USP6NL: variants seen among roughly 807,000 people sequenced by gnomAD.
USP6NL encodes USP6 N-terminal-like protein.
Under a neutral mutation model 61.9 loss-of-function variants are expected in USP6NL, and 26 were observed. The observed-to-expected ratio is 0.42, with a 90% CI of 0.31 to 0.58. The LOEUF (loss-of-function observed/expected upper bound fraction) is 0.58. USP6NL is among the 20% of genes least tolerant of loss of function. The pLI is 0.16. For synonymous variants in USP6NL, 432 were observed against 390.1 expected (o/e 1.11, Z -1.27); for missense variants, 1,114 against 1,034.3 (o/e 1.08, Z -1.06).
chr10:11,582,785 CACAT>C (rs1250336185), intron 2 of USP6NL, among the ~76,000 whole-genome samples: 1 of 151,984 alleles, frequency 6.6e-6, no homozygotes, highest in Middle Eastern at 3.2e-3. Context: ...CTATCATAAA[CACAT>C]ACAAAGCTTC....
intron 5 of USP6NL, among the ~76,000 whole-genome samples, chr10:11,512,381 G>A (rs1052514833): frequency 6.6e-6 from 1 of 151,950 alleles, no homozygotes; most frequent in African/African-American, 2.4e-5. Context: ...CTTCCATCCT[G>A]TCCTCTTCCC....
At chr10:11,486,197 G>T (rs758926020) in intron 10 of USP6NL, among the ~76,000 whole-genome samples, 1 of 147,244 alleles carries the variant, frequency 6.8e-6, no homozygotes, top group Non-Finnish European at 1.5e-5. Flanking sequence ...CATTTATCAA[G>T]ATTATCTGTT....
rs1836976206 is a variant in USP6NL, at chr10:11,562,383, CT to C, written c.5-34817del. 1 of 985,436 alleles carries C rather than the reference CT, an allele frequency of 1.0e-6. No homozygotes were observed. The highest frequency in any genetic ancestry group is 5.2e-4 in the Middle Eastern group (1 of 1,914). 61.0% of individuals were successfully genotyped at this position (985,436 alleles called of 1,614,324 possible). A position where few individuals can be genotyped will look rare whatever the true frequency, so the allele number is the denominator to read the frequency against. ...GCATTCCTTACACAGGTGACACCAA[CT>C]TCAGATTTCCCCTTTTCCTTTTTCT... On this transcript the variant is annotated intron_variant, in intron 2 of 14. Transcript: ENST00000609104. The surrounding 1 kb of genome is among the most constrained non-coding windows in gnomAD (Gnocchi z 4.8).
chr10:11,518,522 G>A lies in USP6NL; in HGVS notation c.195+13C>T, dbSNP rs144921082. ...TCACCAGTAACTGTAAATACATCAAGAGCAGGACTTACCCGTTCCACAGCC... is the reference window on the plus strand; with the variant it reads ...TCACCAGTAACTGTAAATACATCAAAAGCAGGACTTACCCGTTCCACAGCC... On this transcript the variant is annotated intron_variant, in intron 5 of 14. Coordinates refer to ENST00000609104, the MANE Select transcript of USP6NL (RefSeq NM_014688.5). This position sits in a 1 kb window ranked among gnomAD's most constrained non-coding sequence, Gnocchi z 5.3. 4 of 1,611,350 alleles carry A rather than the reference G, an allele frequency of 2.5e-6. No homozygotes were observed. In the African/African-American group the frequency reaches 5.3e-5, roughly 22 times the overall value.
At chr10:11,505,091 T>C (rs1834377918) in intron 6 of USP6NL, among the ~76,000 whole-genome samples, 1 of 152,164 alleles carries the variant, frequency 6.6e-6, no homozygotes, top group Admixed American at 6.5e-5. Flanking sequence ...GGGACTGTCA[T>C]CCTGAGCTTA....
intron 2 of USP6NL, among the ~76,000 whole-genome samples, chr10:11,576,260 T>A (rs562307597): frequency 2.2e-4 from 33 of 152,292 alleles, no homozygotes; most frequent in African/African-American, 7.9e-4. Flanking sequence ...TGACTCACTC[T>A]CTCTGGAGTG....
chr10:11,465,647 C>T lies in USP6NL; in HGVS notation c.1079-1798G>A, dbSNP rs1005955094. Among the ~76,000 whole-genome samples the T allele has an allele frequency of 6.6e-6, 1 of 152,216 alleles. No homozygotes were observed. The highest frequency in any genetic ancestry group is 2.4e-5 in the African/African-American group (1 of 41,454). On this transcript the variant is annotated intron_variant, in intron 14 of 14. Transcript: ENST00000609104. The surrounding 1 kb of genome is among the most constrained non-coding windows in gnomAD (Gnocchi z 4.5). ...TGTGCCTGTACGTGCTCTCCCCACA[C>T]CGTGCTGGCAGCGGAAGCACCCAAG...
chr10:11,511,233 A>G lies in USP6NL; in HGVS notation c.196-1558T>C, dbSNP rs1834702946. Among the ~76,000 whole-genome samples, 1 of 152,232 alleles carries G rather than the reference A, an allele frequency of 6.6e-6. No individual in the cohort carries two copies. The highest frequency in any genetic ancestry group is 2.4e-5 in the African/African-American group (1 of 41,460). On this transcript the variant is annotated intron_variant, in intron 5 of 14. Coordinates refer to ENST00000609104, the MANE Select transcript of USP6NL (RefSeq NM_014688.5). This position sits in a 1 kb window ranked among gnomAD's most constrained non-coding sequence, Gnocchi z 4.9. ...AAAGATGAGCACTCATGAGAAAAAG[A>G]TATTCTTTTATAATTCGTATTTTTC...
rs1272205157 is a variant in USP6NL at position 11,487,071 on chromosome 10, T to C, written c.665-1160A>G. Among the ~76,000 whole-genome samples the C allele has an allele frequency of 6.6e-6, 1 of 152,084 alleles. No homozygotes were observed. Among genetic ancestry groups the C allele is most frequent in the Non-Finnish European group, 1.5e-5 (1 of 67,986 alleles). On this transcript the variant is annotated intron_variant, in intron 10 of 14. Transcript: ENST00000609104. This position sits in a 1 kb window ranked among gnomAD's most constrained non-coding sequence, Gnocchi z 4.2. The stretch of plus-strand genomic sequence containing the variant: ...ATTAAAAAAAAAAAATCCGTATCTA[T>C]CAGTGCCACTTTCATAGTCAATTTG...
chr10:11,574,538 T>G lies in USP6NL; in HGVS notation c.4+23093A>C, dbSNP rs371791285. On this transcript the variant is annotated intron_variant, in intron 2 of 14. Coordinates refer to ENST00000609104, the MANE Select transcript of USP6NL (RefSeq NM_014688.5). This position sits in a 1 kb window ranked among gnomAD's most constrained non-coding sequence, Gnocchi z 4.3. ...TTTGTTATATGTTCTATTTATCCCA[T>G]AGCAGCCCTTCTCAAAGTAAACCTA... 1.3e-5 allele frequency among the ~76,000 whole-genome samples: 2 copies of G among 152,336 alleles called. No homozygotes were observed. The highest frequency in any genetic ancestry group is 4.1e-4 in the South Asian group (2 of 4,832).
intron 2 of USP6NL, among the ~76,000 whole-genome samples, chr10:11,559,583 A>C (rs569650116): frequency 1.1e-4 from 17 of 152,280 alleles, no homozygotes; most frequent in African/African-American, 3.8e-4. Flanking sequence ...ATATATATAT[A>C]TCATCTAAGT....
At chr10:11,497,558 C>T (rs1833990092) in intron 7 of USP6NL, among the ~76,000 whole-genome samples, 2 of 151,972 alleles carry the variant, frequency 1.3e-5, no homozygotes, top group Admixed American at 6.6e-5. Flanking sequence ...AAATAAAATG[C>T]CTTAAAATAA....
intron 5 of USP6NL, among the ~76,000 whole-genome samples, chr10:11,514,025 G>A (rs551893051): frequency 6.6e-6 from 1 of 152,276 alleles, no homozygotes; most frequent in Admixed American, 6.5e-5. Flanking sequence ...AGATGCACAC[G>A]ATGCCAAGCT....
chr10:11,606,094 T>C (rs774403907), intron 1 of USP6NL, among the ~76,000 whole-genome samples: 3 of 151,840 alleles, frequency 2.0e-5, no homozygotes, highest in Admixed American at 6.6e-5. Flanking sequence ...CAGAAAATCA[T>C]CTCAAAGCCA....
intron 14 of USP6NL, among the ~76,000 whole-genome samples, chr10:11,475,596 C>CAAAAAAAAAAAAAAAAAAAAAAAAAAAAA: frequency 2.6e-5 from 1 of 38,724 alleles, no homozygotes; most frequent in Non-Finnish European, 4.7e-5. Context: ...AACTCTGTCG[C>CAAAAAAAAAAAAAAAAAAAAAAAAAAAAA]AAAAAAAAAA....
At chr10:11,531,397 A>G (rs1488309121) in intron 2 of USP6NL, among the ~76,000 whole-genome samples, 1 of 152,052 alleles carries the variant, frequency 6.6e-6, no homozygotes, top group Non-Finnish European at 1.5e-5. Flanking sequence ...ATCTCAGCTC[A>G]CTGCAACCTC....
intron 2 of USP6NL, among the ~76,000 whole-genome samples, chr10:11,594,593 T>C (rs868828756): frequency 6.6e-6 from 1 of 152,186 alleles, no homozygotes; most frequent in Non-Finnish European, 1.5e-5. Flanking sequence ...GAATGTTCAA[T>C]TCACTAGCAA....
At chr10:11,601,310 T>C (rs921736808) in intron 1 of USP6NL, among the ~76,000 whole-genome samples, 2 of 152,138 alleles carry the variant, frequency 1.3e-5, no homozygotes, top group African/African-American at 4.8e-5. Context: ...TAATTAACAA[T>C]ACGTTGTTAA....
At chr10:11,571,004 A>G (rs182522729) in intron 2 of USP6NL, among the ~76,000 whole-genome samples, 77 of 152,300 alleles carry the variant, frequency 5.1e-4, no homozygotes, top group Middle Eastern at 6.8e-3. Flanking sequence ...TTATTAGACA[A>G]GACTGTCTTA....
Sources: gnomAD v4.1 joint callset for allele counts (sites outside exome capture counted in the v4.1 genomes callset) on GRCh38, gnomAD v4.1.1 for gene constraint, Gnocchi (gnomAD v3.1) non-coding constraint, MANE v1.5 for transcripts, NCBI Gene and HGNC (gene_info 2026-07-23, HGNC 2026-07-21) for gene names.